The following AHI1 variants were observed in gnomAD, a reference collection of about 807,000 sequenced individuals.
AHI1 encodes Abelson helper integration site 1, also known as jouberin.
A neutral mutation model predicts 149.3 loss-of-function variants in AHI1; 123 were observed. The observed-to-expected ratio is 0.82, with a 90% CI of 0.71 to 0.96. The LOEUF (loss-of-function observed/expected upper bound fraction) is 0.96. Ranked by LOEUF, AHI1 falls within the 40% of genes least tolerant of loss-of-function variation. The pLI is 0.00. For synonymous variants in AHI1, 475 were observed against 459.8 expected (o/e 1.03, Z -0.42); for missense variants, 1,439 against 1,422.7 (o/e 1.01, Z -0.18).
At chr6:135,411,247 T>C in intron 21 of AHI1, 101 bp downstream of exon 21, 1 of 1,135,856 alleles carries the variant, frequency 8.8e-7, no homozygotes, top group Middle Eastern at 2.1e-4. Context: ...GGTCTAATTT[T>C]AAGTAATTAA....
chr6:135,306,127 T>C (rs1344412567), intron 26 of AHI1, among the ~76,000 whole-genome samples: 1 of 152,234 alleles, frequency 6.6e-6, no homozygotes, highest in East Asian at 1.9e-4. Flanking sequence ...CCATCCAGAC[T>C]GTCTTCTACT....
chr6:135,471,641 A>G (rs1791708417), intron 5 of AHI1, among the ~76,000 whole-genome samples: 1 of 137,276 alleles, frequency 7.3e-6, no homozygotes, highest in Admixed American at 7.8e-5. Context: ...TACCTTTGCC[A>G]ATTTTTTACC....
In AHI1 at chr6:135,489,735, T is replaced by C. The variant is rs75740485; in HGVS notation, c.135+888A>G. On this transcript the variant is annotated intron_variant, in intron 5 of 28. Coordinates refer to ENST00000265602, the MANE Select transcript of AHI1 (RefSeq NM_001134831.2). ...ACCCTCACATATGTGCAGCTGGATT[T>C]TGGTCAATTTTACTACTTGTTTTTG... Among the ~76,000 whole-genome samples, 589 of 152,268 alleles carry C rather than the reference T, an allele frequency of 3.9e-3. 9 individuals carry two copies. The highest frequency in any genetic ancestry group is 0.036 in the East Asian group (185 of 5,192).
At chr6:135,396,998 A>C (rs1417778403) in intron 22 of AHI1, among the ~76,000 whole-genome samples, 1 of 151,908 alleles carries the variant, frequency 6.6e-6, no homozygotes, top group East Asian at 1.9e-4. Context: ...TTTTACAACA[A>C]AATTTTTTTT....
chr6:135,330,616 A>G (rs1788424124), intron 24 of AHI1, among the ~76,000 whole-genome samples: 1 of 152,234 alleles, frequency 6.6e-6, no homozygotes, highest in Non-Finnish European at 1.5e-5. Context: ...AACCGGCAAT[A>G]TCTTCAAGGT....
chr6:135,494,230 A>G (rs935834931), intron 3 of AHI1, among the ~76,000 whole-genome samples: 1 of 152,246 alleles, frequency 6.6e-6, no homozygotes, highest in East Asian at 1.9e-4. Flanking sequence ...CTCATCTATA[A>G]AAACACCCTA....
At chr6:135,487,730 A>C (rs1344104200) in intron 5 of AHI1, among the ~76,000 whole-genome samples, 1 of 152,102 alleles carries the variant, frequency 6.6e-6, no homozygotes, top group Non-Finnish European at 1.5e-5. Context: ...ATTAACTGTA[A>C]TTTCCCTACT....
intron 5 of AHI1, among the ~76,000 whole-genome samples, chr6:135,476,707 T>G (rs1189633610): frequency 6.6e-6 from 1 of 152,226 alleles, no homozygotes; most frequent in Admixed American, 6.5e-5. Context: ...GACACCTTTA[T>G]CATTAAAAAG....
At chr6:135,401,358 C>G (rs1304098733) in intron 22 of AHI1, among the ~76,000 whole-genome samples, 1 of 152,126 alleles carries the variant, frequency 6.6e-6, no homozygotes, top group Non-Finnish European at 1.5e-5. Flanking sequence ...ACATTCCAAG[C>G]ACTTAGAAAA....
chr6:135,345,225 A>C (rs1791017328), intron 24 of AHI1, among the ~76,000 whole-genome samples: 1 of 152,184 alleles, frequency 6.6e-6, no homozygotes, highest in Admixed American at 6.5e-5. Flanking sequence ...GTCTGGTGTG[A>C]TCGTAAAGTG....
intron 20 of AHI1, among the ~76,000 whole-genome samples, chr6:135,423,591 A>C (rs1783523084): frequency 6.6e-6 from 1 of 152,142 alleles, no homozygotes; most frequent in Non-Finnish European, 1.5e-5. Context: ...TTTTGGTTTA[A>C]ATTTCTTTTA....
intron 23 of AHI1, among the ~76,000 whole-genome samples, chr6:135,365,683 A>T (rs745527370): frequency 1.3e-5 from 2 of 152,200 alleles, no homozygotes; most frequent in African/African-American, 4.8e-5. Context: ...ACTCTACTGA[A>T]TTAATTTATC....
intron 23 of AHI1, among the ~76,000 whole-genome samples, chr6:135,380,732 C>CG (rs1554301774): frequency 5.5e-5 from 2 of 36,620 alleles, no homozygotes; most frequent in Non-Finnish European, 9.7e-5. Flanking sequence ...AGTAAAATAA[C>CG]CCCCCCCCCC....
intron 22 of AHI1, among the ~76,000 whole-genome samples, chr6:135,402,504 A>G (rs1044064275): frequency 6.6e-6 from 1 of 152,220 alleles, no homozygotes; most frequent in East Asian, 1.9e-4. Context: ...AGTGCAGTTG[A>G]CCCTTGAACA....
intron 8 of AHI1, among the ~76,000 whole-genome samples, chr6:135,460,029 A>C (rs554149500): frequency 6.6e-6 from 1 of 152,124 alleles, no homozygotes; most frequent in South Asian, 2.1e-4. Context: ...TTGTCTCTAC[A>C]AAAATTAGCC....
chr6:135,383,226 CT>C (rs764546253), intron 23 of AHI1, among the ~76,000 whole-genome samples: 2,088 of 76,736 alleles, frequency 0.027, 17 homozygotes, highest in Non-Finnish European at 0.035. Context: ...TCCCCCCTCC[CT>C]TTTTTTTTTT....
chr6:135,361,455 AG>A (rs2128441370), intron 23 of AHI1, among the ~76,000 whole-genome samples: 1 of 152,264 alleles, frequency 6.6e-6, no homozygotes, highest in South Asian at 2.1e-4. Context: ...TCATTTACAA[AG>A]AATGTTTTGC....
At chr6:135,347,761 C>G (rs1791454070) in intron 24 of AHI1, among the ~76,000 whole-genome samples, 1 of 152,136 alleles carries the variant, frequency 6.6e-6, no homozygotes, top group African/African-American at 2.4e-5. Context: ...ATCATATTTT[C>G]TAAATCAAAT....
chr6:135,408,745 A>G (rs1389932262), intron 21 of AHI1, among the ~76,000 whole-genome samples: 2 of 152,190 alleles, frequency 1.3e-5, no homozygotes, highest in Non-Finnish European at 2.9e-5. Context: ...GAATAAAACA[A>G]TGAACAAGGG....
Sources: gnomAD v4.1 joint callset for allele counts (sites outside exome capture counted in the v4.1 genomes callset) on GRCh38, gnomAD v4.1.1 for gene constraint, MANE v1.5 for transcripts, NCBI Gene and HGNC (gene_info 2026-07-23, HGNC 2026-07-21) for gene names.